Variants in NKAIN3 observed in about 807,000 individuals in gnomAD.
NKAIN3 encodes sodium/potassium-transporting ATPase subunit beta-1-interacting protein 3.
Under a neutral mutation model 30.2 loss-of-function variants are expected in NKAIN3, and 25 were observed. The ratio of observed to expected loss-of-function variants is 0.83; its 90% CI spans 0.60 to 1.16. The LOEUF is 1.16. Ranked by LOEUF, NKAIN3 falls within the 50% of genes most tolerant of loss-of-function variation. The pLI, the probability that NKAIN3 is intolerant of heterozygous loss-of-function variation, is 0.00. For synonymous variants in NKAIN3, 91 were observed against 89.6 expected, an observed-to-expected ratio of 1.02 and a Z score of -0.09; for missense variants, 225 against 254.1, an observed-to-expected ratio of 0.89 and a Z score of 0.78.
chr8:62,794,556 GGGGCTGGGAA>G (rs1817800920), intron 4 of NKAIN3, among the ~76,000 whole-genome samples: 1 of 152,112 alleles, frequency 6.6e-6, no homozygotes, highest in Non-Finnish European at 1.5e-5. Flanking sequence ...CTTGAGGTGA[GGGGCTGGGAA>G]GGGAAAAGTA....
rs574406496 is a variant in NKAIN3 at position 62,767,527 on chromosome 8, A to T, written c.471+20398A>T. On this transcript the variant is annotated intron_variant, in intron 4 of 6. Transcript: ENST00000623646. Reference sequence around the variant, plus strand: ...TACCCTTGGACTTTTCAATTACATGAGTCGATAAACTCTTTTTTTTTTCTT... The same window carrying T: ...TACCCTTGGACTTTTCAATTACATGTGTCGATAAACTCTTTTTTTTTTCTT... 3.3e-5 allele frequency among the ~76,000 whole-genome samples: 5 copies of T among 152,264 alleles called. No homozygotes were observed. The East Asian group carries it at 7.7e-4, about 24-fold the overall frequency.
At chr8:62,849,859 G>A (rs1480706153) in intron 4 of NKAIN3, among the ~76,000 whole-genome samples, 2 of 152,032 alleles carry the variant, frequency 1.3e-5, no homozygotes, top group Non-Finnish European at 2.9e-5. Context: ...TATCATTGGT[G>A]GACATTTGGC....
At chr8:62,490,379 T>A (rs1807029463) in intron 1 of NKAIN3, among the ~76,000 whole-genome samples, 2 of 152,150 alleles carry the variant, frequency 1.3e-5, no homozygotes, top group Admixed American at 6.5e-5. Flanking sequence ...TATAAACAAA[T>A]CACATGCAAT....
intron 1 of NKAIN3, among the ~76,000 whole-genome samples, chr8:62,305,365 G>A (rs1268272014): frequency 1.3e-5 from 2 of 150,194 alleles, no homozygotes; most frequent in South Asian, 2.1e-4. Context: ...ATTCCATAAC[G>A]CATACAGATA....
At chr8:62,793,760 C>G (rs1042259081) in intron 4 of NKAIN3, among the ~76,000 whole-genome samples, 1 of 152,184 alleles carries the variant, frequency 6.6e-6, no homozygotes, top group South Asian at 2.1e-4. Context: ...AAAATCTAAT[C>G]TCCAACATTG....
chr8:62,757,739 A>T (rs145931635), intron 4 of NKAIN3, among the ~76,000 whole-genome samples: 2 of 152,300 alleles, frequency 1.3e-5, no homozygotes, highest in African/African-American at 4.8e-5. Flanking sequence ...AAGAAGTCAG[A>T]GGAATAATGA....
intron 4 of NKAIN3, among the ~76,000 whole-genome samples, chr8:62,860,726 G>A (rs561460392): frequency 2.6e-5 from 4 of 152,312 alleles, no homozygotes; most frequent in South Asian, 2.1e-4. Flanking sequence ...AGATTGGTCC[G>A]AGGCCAGCTT....
At chr8:62,789,180 C>G (rs1817625250) in intron 4 of NKAIN3, among the ~76,000 whole-genome samples, 1 of 152,052 alleles carries the variant, frequency 6.6e-6, no homozygotes, top group Non-Finnish European at 1.5e-5. Context: ...GAATGTTCTT[C>G]CATTTGTTTG....
At chr8:62,256,972 T>G (rs1295732821) in intron 1 of NKAIN3, among the ~76,000 whole-genome samples, 1 of 152,214 alleles carries the variant, frequency 6.6e-6, no homozygotes, top group Non-Finnish European at 1.5e-5. Flanking sequence ...TTTTTATTTT[T>G]AATTGGCAAA....
In NKAIN3 at chr8:62,434,573, C is replaced by A. The variant is rs548431355; in HGVS notation, c.55-144966C>A. Among the ~76,000 whole-genome samples, 10 of 152,254 alleles carry A rather than the reference C, an allele frequency of 6.6e-5. No homozygotes were observed. In the South Asian group the frequency reaches 2.1e-3, roughly 32 times the overall value. Reference sequence around the variant, plus strand: ...AAATTTTAGGAAAAGACTGCTTTTTCTCTTCCAAGTATCTGTCCCTTCCTC... The same window carrying A: ...AAATTTTAGGAAAAGACTGCTTTTTATCTTCCAAGTATCTGTCCCTTCCTC... On this transcript the variant is annotated intron_variant, in intron 1 of 6. Transcript: ENST00000623646.
intron 4 of NKAIN3, among the ~76,000 whole-genome samples, chr8:62,798,221 G>A (rs775849247): frequency 6.6e-6 from 1 of 152,140 alleles, no homozygotes; most frequent in South Asian, 2.1e-4. Context: ...TATCAGATCT[G>A]TAAAGCTATG....
chr8:62,627,181 C>T (rs1811816712), intron 3 of NKAIN3, among the ~76,000 whole-genome samples: 1 of 152,142 alleles, frequency 6.6e-6, no homozygotes, highest in Non-Finnish European at 1.5e-5. Flanking sequence ...GCCAGTTACT[C>T]TGTCTAAAAT....
chr8:62,891,166 C>T (rs953743214), intron 4 of NKAIN3, among the ~76,000 whole-genome samples: 1 of 152,146 alleles, frequency 6.6e-6, no homozygotes, highest in Non-Finnish European at 1.5e-5. Flanking sequence ...GAGGCAGACC[C>T]ACCGTCAATG....
intron 3 of NKAIN3, among the ~76,000 whole-genome samples, chr8:62,722,820 C>A (rs1815134255): frequency 6.6e-6 from 1 of 152,058 alleles, no homozygotes; most frequent in Admixed American, 6.6e-5. Context: ...AATGGGCTAA[C>A]AAACATCTCA....
chr8:62,725,304 T>C (rs1815219153), intron 3 of NKAIN3, among the ~76,000 whole-genome samples: 2 of 152,170 alleles, frequency 1.3e-5, no homozygotes, highest in African/African-American at 2.4e-5. Context: ...TTTGCAAATA[T>C]TTTCACCCTT....
At chr8:62,611,457 G>T (rs74792139) in intron 3 of NKAIN3, among the ~76,000 whole-genome samples, 1 of 151,804 alleles carries the variant, frequency 6.6e-6, no homozygotes, top group African/African-American at 2.4e-5. Context: ...TCAGACTCCC[G>T]CTCTGGAAAT....
chr8:62,678,186 CT>C (rs1350124070), intron 3 of NKAIN3, among the ~76,000 whole-genome samples: 1 of 152,124 alleles, frequency 6.6e-6, no homozygotes, highest in East Asian at 1.9e-4. Context: ...TCATTTTTCT[CT>C]TCTCATTTCC....
chr8:62,875,162 C>A (rs1249501517), intron 4 of NKAIN3, among the ~76,000 whole-genome samples: 1 of 151,998 alleles, frequency 6.6e-6, no homozygotes, highest in African/African-American at 2.4e-5. Flanking sequence ...AAAATCACAA[C>A]CATTCCTATA....
intron 4 of NKAIN3, among the ~76,000 whole-genome samples, chr8:62,782,095 TA>T (rs1178782619): frequency 6.6e-6 from 1 of 151,156 alleles, no homozygotes; most frequent in Non-Finnish European, 1.5e-5. Context: ...AAATTCTCAT[TA>T]AAAAATGGAA....
Sources: gnomAD v4.1 joint callset for allele counts (sites outside exome capture counted in the v4.1 genomes callset) on GRCh38, gnomAD v4.1.1 for gene constraint, MANE v1.5 for transcripts, NCBI Gene and HGNC (gene_info 2026-07-23, HGNC 2026-07-21) for gene names.